The following LRRC8B variants were observed in gnomAD, a reference collection of about 807,000 sequenced individuals.
LRRC8B encodes volume-regulated anion channel subunit LRRC8B.
In LRRC8B, 23 loss-of-function variants were observed where a neutral mutation model predicts 58.8. The observed-to-expected ratio is 0.39, with a 90% CI of 0.28 to 0.55. The LOEUF is 0.55. LRRC8B is among the 20% of genes least tolerant of loss of function. LRRC8B has a pLI of 0.62. For synonymous variants in LRRC8B, 359 were observed against 374.1 expected (o/e 0.96, Z 0.47); for missense variants, 694 against 936.0 (o/e 0.74, Z 3.37).
At chr1:89,561,535 T>C (rs537346813) in intron 1 of LRRC8B, among the ~76,000 whole-genome samples, 132 of 92,262 alleles carry the variant, frequency 1.4e-3, no homozygotes, top group South Asian at 5.7e-3. Flanking sequence ...AACGTTTAAA[T>C]CTTTAATCCA....
chr1:89,530,804 C>T (rs757728848), intron 1 of LRRC8B, among the ~76,000 whole-genome samples: 1 of 152,176 alleles, frequency 6.6e-6, no homozygotes, highest in Non-Finnish European at 1.5e-5. Flanking sequence ...CCATTTTGCA[C>T]AGACAGGAAC....
intron 1 of LRRC8B, among the ~76,000 whole-genome samples, chr1:89,552,664 C>A (rs1651908199): frequency 6.6e-6 from 1 of 152,122 alleles, no homozygotes; most frequent in Non-Finnish European, 1.5e-5. Flanking sequence ...CAAAGTAAGT[C>A]ATTAAAGATT....
At chr1:89,580,679 A>G (rs1482547015) in intron 4 of LRRC8B, among the ~76,000 whole-genome samples, 4 of 152,182 alleles carry the variant, frequency 2.6e-5, no homozygotes, top group African/African-American at 7.2e-5. Flanking sequence ...AAATAGATCC[A>G]CTAAACTGGA....
At chr1:89,543,105 C>T (rs1047874059) in intron 1 of LRRC8B, among the ~76,000 whole-genome samples, 1 of 152,130 alleles carries the variant, frequency 6.6e-6, no homozygotes, top group African/African-American at 2.4e-5. Context: ...GTCTCAGGAC[C>T]AGATCACAAA....
chr1:89,595,801 T>C lies in LRRC8B; in HGVS notation c.*2758T>C, dbSNP rs2101127327. On this transcript the variant is annotated 3_prime_UTR_variant, in exon 6 of 6. Coordinates refer to ENST00000330947, the MANE Select transcript of LRRC8B (RefSeq NM_001369817.2). ...GTACTGTTGGAGCAGATCTTTATTTTACAAGTGTTCATATTCACATAAGAG... is the reference window on the plus strand; with the variant it reads ...GTACTGTTGGAGCAGATCTTTATTTCACAAGTGTTCATATTCACATAAGAG... 6.6e-6 allele frequency: 1 copy of C among 152,296 alleles called. No individual in the cohort carries two copies. The highest frequency in any genetic ancestry group is 2.1e-4 in the South Asian group (1 of 4,832). The allele number at this position is 152,296 out of a possible 1,614,324, so 9.4% of individuals were successfully genotyped here.
At position 89,585,872 on chromosome 1, in the gene LRRC8B, A is replaced by G. The variant is rs1423202315; in HGVS notation, c.2139+1083A>G. ...ATCTTTTAGACTTTTTGTAGTTCAT[A>G]TGTCATGGTAAATATAGCTATGAGC... On this transcript the variant is annotated intron_variant, in intron 5 of 5. Coordinates refer to ENST00000330947, the MANE Select transcript of LRRC8B (RefSeq NM_001369817.2). Among the ~76,000 whole-genome samples, 8 of 152,334 alleles carry G rather than the reference A, an allele frequency of 5.3e-5. 1 individual carries two copies. In the South Asian group the frequency reaches 1.7e-3, roughly 32 times the overall value.
At position 89,597,231 on chromosome 1, in the gene LRRC8B, A is replaced by C. The variant is rs1655342596; in HGVS notation, c.*4188A>C. ...AGGCTACATTCTCTTCAGATTTTTTATATGAATAATTTCATCAGCACTAAA... is the reference window on the plus strand; with the variant it reads ...AGGCTACATTCTCTTCAGATTTTTTCTATGAATAATTTCATCAGCACTAAA... On this transcript the variant is annotated 3_prime_UTR_variant, in exon 6 of 6. Coordinates refer to ENST00000330947, the MANE Select transcript of LRRC8B (RefSeq NM_001369817.2). The C allele has an allele frequency of 6.6e-6, 1 of 152,190 alleles. No individual in the cohort carries two copies. The highest frequency in any genetic ancestry group is 1.5e-5 in the Non-Finnish European group (1 of 68,028). The allele number at this position is 152,190 out of a possible 1,614,324, so 9.4% of individuals were successfully genotyped here.
chr1:89,585,334 A>G (rs1654547245), intron 5 of LRRC8B, among the ~76,000 whole-genome samples: 1 of 152,252 alleles, frequency 6.6e-6, no homozygotes, highest in African/African-American at 2.4e-5. Flanking sequence ...ATGCAACACT[A>G]CAGCTTCTTA....
At chr1:89,551,384 G>A (rs959523467) in intron 1 of LRRC8B, among the ~76,000 whole-genome samples, 8 of 151,936 alleles carry the variant, frequency 5.3e-5, no homozygotes, top group African/African-American at 1.9e-4. Context: ...AAAGTCAAGT[G>A]TATGATTTAA....
At chr1:89,585,119 T>C (rs1252866936) in intron 5 of LRRC8B, among the ~76,000 whole-genome samples, 1 of 152,266 alleles carries the variant, frequency 6.6e-6, no homozygotes, top group Non-Finnish European at 1.5e-5. Flanking sequence ...TAGAGCTTAC[T>C]TTTTGTTTTA....
chr1:89,589,422 C>T (rs1654837440), intron 5 of LRRC8B, among the ~76,000 whole-genome samples: 1 of 152,078 alleles, frequency 6.6e-6, no homozygotes. Context: ...TATCACAGTG[C>T]CAAAGAGTAA....
intron 1 of LRRC8B, among the ~76,000 whole-genome samples, chr1:89,537,624 C>G (rs548438607): frequency 2.6e-3 from 394 of 152,224 alleles, no homozygotes; most frequent in African/African-American, 8.2e-3. Context: ...AGGCACACAC[C>G]ACTACACCGG....
intron 1 of LRRC8B, chr1:89,558,961 A>C (rs1652396399): frequency 6.6e-6 from 1 of 152,230 alleles, no homozygotes. Flanking sequence ...GGACACAAAC[A>C]TCCAAACCAT....
chr1:89,557,488 A>G (rs1190535905), intron 1 of LRRC8B, among the ~76,000 whole-genome samples: 1 of 152,244 alleles, frequency 6.6e-6, no homozygotes, highest in Non-Finnish European at 1.5e-5. Flanking sequence ...TATTTATTTT[A>G]CCACTAATAT....
intron 1 of LRRC8B, among the ~76,000 whole-genome samples, chr1:89,540,609 C>T (rs1250819526): frequency 6.6e-6 from 1 of 152,148 alleles, no homozygotes; most frequent in Non-Finnish European, 1.5e-5. Flanking sequence ...ACAGCCTCTG[C>T]CAGGGGTGAG....
At chr1:89,574,036 C>T (rs1037909782) in intron 3 of LRRC8B, among the ~76,000 whole-genome samples, 1 of 152,204 alleles carries the variant, frequency 6.6e-6, no homozygotes, top group Non-Finnish European at 1.5e-5. Flanking sequence ...TTGAAACATT[C>T]CTCTTAGATC....
chr1:89,580,929 G>A (rs1570636712), intron 4 of LRRC8B, among the ~76,000 whole-genome samples: 1 of 152,026 alleles, frequency 6.6e-6, no homozygotes, highest in South Asian at 2.1e-4. Flanking sequence ...AGGGAGCAGG[G>A]ACTCTGTAAT....
In LRRC8B at chr1:89,564,350, T is replaced by C. The variant is rs1652888540; in HGVS notation, c.-240-3897T>C. The stretch of plus-strand genomic sequence containing the variant: ...CATTTTTAAATTGTCTCTTTTAGTT[T>C]TTCTAAAAGATAGATTGTAGCTTTG... On this transcript the variant is annotated intron_variant, in intron 1 of 5. Coordinates refer to ENST00000330947, the MANE Select transcript of LRRC8B (RefSeq NM_001369817.2). Among the ~76,000 whole-genome samples, 3 of 152,208 alleles carry C rather than the reference T, an allele frequency of 2.0e-5. No individual in the cohort carries two copies. In the South Asian group the frequency reaches 6.2e-4, roughly 32 times the overall value.
chr1:89,552,608 A>G (rs962962958), intron 1 of LRRC8B, among the ~76,000 whole-genome samples: 3 of 152,210 alleles, frequency 2.0e-5, no homozygotes, highest in Non-Finnish European at 4.4e-5. Flanking sequence ...AATTAAGAGA[A>G]ATGTGATTTA....
Sources: gnomAD v4.1 joint callset for allele counts (sites outside exome capture counted in the v4.1 genomes callset) on GRCh38, gnomAD v4.1.1 for gene constraint, MANE v1.5 for transcripts, NCBI Gene and HGNC (gene_info 2026-07-23, HGNC 2026-07-21) for gene names.